Variants in EYA2 observed in about 807,000 individuals in gnomAD.
EYA2 encodes the protein protein phosphatase EYA2.
Under a neutral mutation model 69.2 loss-of-function variants are expected in EYA2, and 31 were observed. That is an observed-to-expected ratio of 0.45 (90% CI 0.34 to 0.60). The LOEUF (loss-of-function observed/expected upper bound fraction) is 0.60. Among genes scored for constraint, EYA2 ranks in the 20% least tolerant of loss-of-function variants. EYA2 has a pLI of 0.02. For synonymous variants in EYA2, 257 were observed against 279.4 expected (o/e 0.92, Z 0.80); for missense variants, 622 against 701.2 (o/e 0.89, Z 1.28).
chr20:47,005,621 G>A (rs2146352397), intron 4 of EYA2, among the ~76,000 whole-genome samples: 1 of 152,378 alleles, frequency 6.6e-6, no homozygotes, highest in Non-Finnish European at 1.5e-5. Flanking sequence ...AAGGCAAGGA[G>A]AACAGGGTGA....
intron 5 of EYA2, among the ~76,000 whole-genome samples, chr20:47,066,808 C>A (rs528040484): frequency 5.9e-5 from 9 of 152,172 alleles, no homozygotes; most frequent in Non-Finnish European, 1.2e-4. Context: ...CCACCATCAC[C>A]TTAAGAGGAT....
chr20:47,100,333 C>T (rs2146524161), intron 9 of EYA2, among the ~76,000 whole-genome samples: 1 of 152,276 alleles, frequency 6.6e-6, no homozygotes, highest in Admixed American at 6.5e-5. Flanking sequence ...CCTGCATTCC[C>T]CTGGGGCCAC....
At chr20:47,170,067 A>G (rs1397226014) in intron 11 of EYA2, among the ~76,000 whole-genome samples, 1 of 151,664 alleles carries the variant, frequency 6.6e-6, no homozygotes. Context: ...CACCACACCC[A>G]GCTAATTTTT....
intron 9 of EYA2, among the ~76,000 whole-genome samples, chr20:47,106,940 C>T (rs4810612): frequency 0.16 from 24,137 of 151,956 alleles, 2,339 homozygotes; most frequent in Non-Finnish European, 0.21. Context: ...CTTGAGGGAG[C>T]GAACTGGAGT....
chr20:46,965,213 T>C (rs1343751440), intron 1 of EYA2, among the ~76,000 whole-genome samples: 1 of 152,208 alleles, frequency 6.6e-6, no homozygotes, highest in African/African-American at 2.4e-5. Flanking sequence ...TTGATCCCAC[T>C]GCTCAAGGTC....
chr20:47,023,840 G>C (rs941036128), intron 5 of EYA2, among the ~76,000 whole-genome samples: 5 of 152,160 alleles, frequency 3.3e-5, no homozygotes, highest in African/African-American at 9.6e-5. Flanking sequence ...GTTTTGCCAT[G>C]TTGGCCAGGC....
chr20:47,176,610 C>CA (rs1278280321), intron 12 of EYA2, among the ~76,000 whole-genome samples: 2 of 152,120 alleles, frequency 1.3e-5, no homozygotes, highest in Non-Finnish European at 2.9e-5. Flanking sequence ...AGCAAAGAGT[C>CA]AATCAGTTCA....
intron 13 of EYA2, 110 bp from the exon 14 acceptor site, chr20:47,180,705 A>G (rs1003828398): frequency 2.2e-6 from 3 of 1,373,700 alleles, no homozygotes; most frequent in African/African-American, 2.9e-5. Context: ...GATGACAGCC[A>G]TAGCCTCCAA....
rs144642367 is a variant in EYA2 at position 47,055,362 on chromosome 20, C to T, written c.416-16823C>T. 1.3e-4 allele frequency among the ~76,000 whole-genome samples: 20 copies of T among 152,280 alleles called. No individual in the cohort carries two copies. The East Asian group carries it at 2.7e-3, about 21-fold the overall frequency. ...AGAATAGGTATTTGGTCTTGGGATC[C>T]GCTGTGATCCCCTGATCTGTTTCCA... On this transcript the variant is annotated intron_variant, in intron 5 of 15. Transcript: ENST00000327619.
intron 1 of EYA2, among the ~76,000 whole-genome samples, chr20:46,933,972 T>G (rs57154124): frequency 0.082 from 12,472 of 152,316 alleles, 1,639 homozygotes; most frequent in African/African-American, 0.27. Context: ...CAGGCCCTGT[T>G]CTGGTTGCTG....
chr20:47,116,816 G>A (rs1314139691), intron 9 of EYA2, among the ~76,000 whole-genome samples: 2 of 152,142 alleles, frequency 1.3e-5, no homozygotes, highest in African/African-American at 2.4e-5. Context: ...CTAAGACATC[G>A]AGGATGTATG....
At position 47,048,893 on chromosome 20, in the gene EYA2, G is replaced by A. The variant is rs145108102; in HGVS notation, c.416-23292G>A. On this transcript the variant is annotated intron_variant, in intron 5 of 15. Transcript: ENST00000327619. ...GTAACAGAGGTGAGAGTAAGAAGAAGAATGATACTAGTAGTGGGTGACATT... is the reference window on the plus strand; with the variant it reads ...GTAACAGAGGTGAGAGTAAGAAGAAAAATGATACTAGTAGTGGGTGACATT... Among the ~76,000 whole-genome samples the A allele has an allele frequency of 4.0e-3, 604 of 152,332 alleles. 4 individuals carry two copies. Among genetic ancestry groups the A allele is most frequent in the Admixed American group, 7.6e-3 (117 of 15,298 alleles).
intron 4 of EYA2, among the ~76,000 whole-genome samples, chr20:47,008,909 A>G (rs571262189): frequency 6.6e-6 from 1 of 152,354 alleles, no homozygotes; most frequent in East Asian, 1.9e-4. Flanking sequence ...TCTTCTGTAA[A>G]GGCCCAGGTG....
At chr20:47,055,686 G>A (rs1345664956) in intron 5 of EYA2, among the ~76,000 whole-genome samples, 1 of 152,098 alleles carries the variant, frequency 6.6e-6, no homozygotes, top group Non-Finnish European at 1.5e-5. Context: ...AGAATGTTCT[G>A]TCCCCACGTC....
chr20:46,968,801 A>G (rs920287836), intron 1 of EYA2, among the ~76,000 whole-genome samples: 1 of 151,412 alleles, frequency 6.6e-6, no homozygotes, highest in Non-Finnish European at 1.5e-5. Flanking sequence ...CACCGACCCC[A>G]CTAAGAACCT....
In EYA2 at chr20:46,897,643, G is replaced by T. The variant is rs147284479; in HGVS notation, c.-11+2656G>T. ...AACTCCTTGTATAATAAAATCGCAG[G>T]CCGTAATGGTGAATAAGTGAGGTTC... On this transcript the variant is annotated intron_variant, in intron 1 of 15. Coordinates refer to ENST00000327619, the MANE Select transcript of EYA2 (RefSeq NM_005244.5). Among the ~76,000 whole-genome samples the T allele has an allele frequency of 1.8e-4, 27 of 152,236 alleles. No homozygotes were observed. The East Asian group carries it at 3.9e-3, about 22-fold the overall frequency.
intron 2 of EYA2, among the ~76,000 whole-genome samples, chr20:46,993,677 A>G (rs1038432573): frequency 6.6e-5 from 10 of 152,248 alleles, no homozygotes; most frequent in South Asian, 6.2e-4. Context: ...AAAGCTGACA[A>G]TGACGATAAA....
intron 1 of EYA2, among the ~76,000 whole-genome samples, chr20:46,987,936 C>G (rs1981351700): frequency 2.8e-5 from 1 of 35,796 alleles, no homozygotes; most frequent in Non-Finnish European, 5.0e-5. Context: ...CTCTCTCTCT[C>G]TCTCTCTCTC....
chr20:46,950,046 A>G (rs1600573355), intron 1 of EYA2, among the ~76,000 whole-genome samples: 2 of 152,074 alleles, frequency 1.3e-5, no homozygotes, highest in South Asian at 4.2e-4. Flanking sequence ...GTTTTTCTCC[A>G]CTGTGCATGC....
Sources: gnomAD v4.1 joint callset for allele counts (sites outside exome capture counted in the v4.1 genomes callset) on GRCh38, gnomAD v4.1.1 for gene constraint, MANE v1.5 for transcripts, NCBI Gene and HGNC (gene_info 2026-07-23, HGNC 2026-07-21) for gene names.